The following COA8 variants were observed in gnomAD, a reference collection of about 807,000 sequenced individuals.
The protein encoded by COA8 is UPF0671 protein C14orf153.
Under a neutral mutation model 22.0 loss-of-function variants are expected in COA8, and 20 were observed. The observed-to-expected ratio is 0.91, with a 90% CI of 0.64 to 1.32. The LOEUF (loss-of-function observed/expected upper bound fraction) is 1.32. Among genes scored for constraint, COA8 ranks in the 40% most tolerant of loss-of-function variants. The probability of loss-of-function intolerance (pLI) is 0.00; values close to 1 mark genes in which losing one functional copy is unlikely to be tolerated. For missense variants in COA8, 266 were observed against 230.0 expected, an observed-to-expected ratio of 1.16 and a Z score of -1.01; for synonymous variants, 105 against 79.9, an observed-to-expected ratio of 1.31 and a Z score of -1.68.
At chr14:103,567,029 T>C (rs1422767175) in intron 1 of COA8, among the ~76,000 whole-genome samples, 1 of 152,098 alleles carries the variant, frequency 6.6e-6, no homozygotes, top group African/African-American at 2.4e-5. Flanking sequence ...TGCCTCAGCC[T>C]CTTTAGTAGC....
In COA8 at chr14:103,571,607, A is replaced by G. The variant is rs1404770623; in HGVS notation, c.124-16A>G. 7 of 1,601,340 alleles carry G rather than the reference A, an allele frequency of 4.4e-6. No homozygotes were observed. Among genetic ancestry groups the G allele is most frequent in the Non-Finnish European group, 6.0e-6 (7 of 1,170,454 alleles). ...ATTCATTTTGTCATATGTTAATCCA[A>G]TTTACTTTGTTAAAGGTCTCAAGAT... is the stretch of plus-strand genomic sequence containing the variant. On this transcript the variant is annotated splice_polypyrimidine_tract_variant and intron_variant, in intron 1 of 4. Transcript: ENST00000409074.
intron 3 of COA8, among the ~76,000 whole-genome samples, chr14:103,583,471 G>A (rs2076282920): frequency 6.7e-6 from 1 of 150,208 alleles, no homozygotes; most frequent in Non-Finnish European, 1.5e-5. Flanking sequence ...GAACCCGGGA[G>A]GTGGAGGTTG....
chr14:103,574,075 AGC>A, intron 2 of COA8, 30 bp from the exon 3 acceptor site: 1 of 965,144 alleles, frequency 1.0e-6, no homozygotes, highest in Non-Finnish European at 1.4e-6. Flanking sequence ...GAGTTCTGAG[AGC>A]CTTTTTTTTT....
chr14:103,582,735 G>C (rs369073224), intron 3 of COA8, among the ~76,000 whole-genome samples: 11 of 63,158 alleles, frequency 1.7e-4, no homozygotes, highest in South Asian at 3.3e-4. Context: ...AATTCACCCT[G>C]CCTTTTTTTT....
chr14:103,586,149 C>T (rs2076304916), intron 3 of COA8, among the ~76,000 whole-genome samples: 1 of 151,402 alleles, frequency 6.6e-6, no homozygotes, highest in Non-Finnish European at 1.5e-5. Flanking sequence ...GATCCACCCA[C>T]CTCAGCCTCC....
intron 3 of COA8, among the ~76,000 whole-genome samples, chr14:103,584,382 G>C (rs1458040999): frequency 6.6e-6 from 1 of 152,040 alleles, no homozygotes. Flanking sequence ...TCAAGGCTTG[G>C]TCTTTCCGGC....
At chr14:103,585,599 CAG>C (rs2099559762) in intron 3 of COA8, among the ~76,000 whole-genome samples, 3 of 94,402 alleles carry the variant, frequency 3.2e-5, no homozygotes, top group Admixed American at 2.6e-4. Flanking sequence ...TTTTTTGAAA[CAG>C]AGTCTCGCTC....
At chr14:103,584,532 C>G (rs1262677075) in intron 3 of COA8, among the ~76,000 whole-genome samples, 1 of 152,156 alleles carries the variant, frequency 6.6e-6, no homozygotes, top group East Asian at 1.9e-4. Context: ...CCAAATACCT[C>G]TCTATAATGC....
rs111415225 is a variant in COA8, at chr14:103,590,026, A to G, written c.477-155A>G. Among the ~76,000 whole-genome samples the G allele has an allele frequency of 7.6e-4, 115 of 152,262 alleles. 1 individual carries two copies. Among genetic ancestry groups the G allele is most frequent in the African/African-American group, 2.6e-3 (109 of 41,564 alleles). ...TCAGCCTGAGGAGAGGCAGGCCTCTATGAATAGTTTAGCTTTAACAAGGGC... is the reference window on the plus strand; with the variant it reads ...TCAGCCTGAGGAGAGGCAGGCCTCTGTGAATAGTTTAGCTTTAACAAGGGC... On this transcript the variant is annotated intron_variant, in intron 4 of 4. Coordinates refer to ENST00000409074, the MANE Select transcript of COA8 (RefSeq NM_001370595.2).
chr14:103,588,135 A>AC, intron 4 of COA8: 1 of 320,680 alleles, frequency 3.1e-6, no homozygotes, highest in Non-Finnish European at 5.7e-6. Context: ...AAAAAAAAAA[A>AC]AAAAACGGGT....
At chr14:103,567,092 G>T (rs945249031) in intron 1 of COA8, among the ~76,000 whole-genome samples, 3 of 152,056 alleles carry the variant, frequency 2.0e-5, no homozygotes, top group African/African-American at 7.2e-5. Flanking sequence ...AATTTTTTTG[G>T]CAGGGCGCGG....
rs1260598450 is a variant in COA8, at chr14:103,590,743, C to G, written c.*457C>G. 2 of 154,336 alleles carry G rather than the reference C, an allele frequency of 1.3e-5. No homozygotes were observed. The highest frequency in any genetic ancestry group is 4.8e-5 in the African/African-American group (2 of 41,424). 9.6% of individuals were successfully genotyped at this position (154,336 alleles called of 1,614,324 possible). A position where few individuals can be genotyped will look rare whatever the true frequency, so the allele number is the denominator to read the frequency against. On this transcript the variant is annotated 3_prime_UTR_variant, in exon 5 of 5. Coordinates refer to ENST00000409074, the MANE Select transcript of COA8 (RefSeq NM_001370595.2). ...GGTGTGGTGGCACGCACCTGTAATCCCAGCTGCTCTGGAGGCTGAGGCATG... is the reference window on the plus strand; with the variant it reads ...GGTGTGGTGGCACGCACCTGTAATCGCAGCTGCTCTGGAGGCTGAGGCATG...
At chr14:103,584,787 T>G (rs1463634612) in intron 3 of COA8, among the ~76,000 whole-genome samples, 1 of 152,178 alleles carries the variant, frequency 6.6e-6, no homozygotes, top group Non-Finnish European at 1.5e-5. Context: ...ATGTGCTTAT[T>G]GGTTGTTCGT....
rs1200288724 is a variant in COA8, at chr14:103,563,218, C to T, written c.123+94C>T. 4.1e-6 allele frequency: 6 copies of T among 1,477,298 alleles called. No homozygotes were observed. In the South Asian group the frequency reaches 4.9e-5, roughly 12 times the overall value. 91.5% of individuals were successfully genotyped at this position (1,477,298 alleles called of 1,614,324 possible). The stretch of plus-strand genomic sequence containing the variant: ...GGCCACTCCCTGTTCTGCACAGCCG[C>T]CTCAGGCCTTTGTCCAGGTGCTCTC... On this transcript the variant is annotated intron_variant, in intron 1 of 4. Transcript: ENST00000409074.
intron 3 of COA8, among the ~76,000 whole-genome samples, chr14:103,575,439 C>G (rs2076223803): frequency 6.6e-6 from 1 of 152,200 alleles, no homozygotes; most frequent in South Asian, 2.1e-4. Flanking sequence ...GAGCTGCCTG[C>G]TCTGGCAGCT....
At chr14:103,572,765 C>G (rs920916936) in intron 2 of COA8, among the ~76,000 whole-genome samples, 1 of 150,456 alleles carries the variant, frequency 6.6e-6, no homozygotes, top group Non-Finnish European at 1.5e-5. Context: ...GTCATTCTTC[C>G]TGAGAATTCA....
In COA8 at chr14:103,563,132, G is replaced by A. The variant is rs763092152; in HGVS notation, c.123+8G>A. 2.7e-5 allele frequency: 41 copies of A among 1,538,786 alleles called. No individual in the cohort carries two copies. The highest frequency in any genetic ancestry group is 5.9e-5 in the Admixed American group (3 of 51,104). ...GATACGGCGCCCAGCGGGGTAAGCAGGGGCCTGGGGACATTGGGCCGGGAG... is the reference window on the plus strand; with the variant it reads ...GATACGGCGCCCAGCGGGGTAAGCAAGGGCCTGGGGACATTGGGCCGGGAG... On this transcript the variant is annotated splice_region_variant and intron_variant, in intron 1 of 4. Coordinates refer to ENST00000409074, the MANE Select transcript of COA8 (RefSeq NM_001370595.2).
chr14:103,573,414 G>A (rs534039595), intron 2 of COA8, among the ~76,000 whole-genome samples: 8 of 151,654 alleles, frequency 5.3e-5, no homozygotes, highest in Non-Finnish European at 1.5e-5. Flanking sequence ...CAGGTGATTC[G>A]CCTGCCTTGG....
At chr14:103,570,286 T>A (rs2076172900) in intron 1 of COA8, among the ~76,000 whole-genome samples, 1 of 152,236 alleles carries the variant, frequency 6.6e-6, no homozygotes, top group African/African-American at 2.4e-5. Context: ...CCTAAATTGA[T>A]CCAGCATCAA....
Sources: allele counts gnomAD v4.1 joint callset (sites outside exome capture counted in the v4.1 genomes callset), GRCh38; gene constraint gnomAD v4.1.1; transcripts MANE v1.5; gene names NCBI Gene and HGNC (gene_info 2026-07-23, HGNC 2026-07-21).